DENND2B: variants seen among roughly 807,000 people sequenced by gnomAD.
The protein encoded by DENND2B is DENN domain containing 2B, also known as DENN domain-containing protein 2B.
DENND2B carries 32 observed loss-of-function variants against 116.0 expected under a neutral mutation model. The ratio of observed to expected loss-of-function variants is 0.28; its 90% CI spans 0.21 to 0.37. The LOEUF (loss-of-function observed/expected upper bound fraction) is 0.37. DENND2B is among the 10% of genes least tolerant of loss of function. The probability of loss-of-function intolerance (pLI) is 1.00; values close to 1 mark genes in which losing one functional copy is unlikely to be tolerated. For synonymous variants in DENND2B, 588 were observed against 583.9 expected (o/e 1.01, Z -0.10); for missense variants, 1,276 against 1,477.7 (o/e 0.86, Z 2.24).
At chr11:8,738,651 C>G (rs2049577789) in intron 2 of DENND2B, among the ~76,000 whole-genome samples, 2 of 152,208 alleles carry the variant, frequency 1.3e-5, no homozygotes, top group South Asian at 4.1e-4. Flanking sequence ...CCTCTTTCTG[C>G]CTTCAGTGTT....
chr11:8,788,883 T>C (rs1169759471), intron 1 of DENND2B, among the ~76,000 whole-genome samples: 2 of 152,228 alleles, frequency 1.3e-5, no homozygotes, highest in African/African-American at 2.4e-5. Context: ...GCCTTTTTCC[T>C]AGAGTATATC....
At chr11:8,907,957 C>T (rs2064260320) in intron 1 of DENND2B, among the ~76,000 whole-genome samples, 1 of 152,194 alleles carries the variant, frequency 6.6e-6, no homozygotes, top group Non-Finnish European at 1.5e-5. Context: ...CCACCTCAAC[C>T]TCCTGAACTT....
rs561039512 is a variant in DENND2B, at chr11:8,718,396, G to A, written c.1478-504C>T. The A allele has an allele frequency of 5.0e-5, 77 of 1,535,100 alleles. No individual in the cohort carries two copies. The South Asian group carries it at 8.2e-4, about 16-fold the overall frequency. Reference sequence around the variant, plus strand: ...GCATGGAGGAACTCACAGAACCGTAGGGAGCAGGGCTTCGCCAGGCCCCCT... The same window carrying A: ...GCATGGAGGAACTCACAGAACCGTAAGGAGCAGGGCTTCGCCAGGCCCCCT... On this transcript the variant is annotated intron_variant, in intron 4 of 19. Transcript: ENST00000313726.
chr11:8,828,325 C>T (rs2062057854), intron 4 of DENND2B, among the ~76,000 whole-genome samples: 1 of 152,122 alleles, frequency 6.6e-6, no homozygotes, highest in Non-Finnish European at 1.5e-5. Context: ...ACAACTCGGC[C>T]GTTAAGGCTG....
upstream of DENND2B, among the ~76,000 whole-genome samples, chr11:8,814,995 A>T (rs1452273508): frequency 6.6e-6 from 1 of 152,096 alleles, no homozygotes; most frequent in African/African-American, 2.4e-5. Flanking sequence ...TGTTTCCCAG[A>T]ACTTTCCTGG....
intron 1 of DENND2B, among the ~76,000 whole-genome samples, chr11:8,890,960 T>G (rs1027564824): frequency 2.0e-5 from 3 of 152,068 alleles, no homozygotes; most frequent in African/African-American, 7.2e-5. Context: ...AAAGTTGAAA[T>G]GAAGGAAAAA....
At chr11:8,817,639 G>A (rs565125708) in intron 4 of DENND2B, among the ~76,000 whole-genome samples, 1 of 152,202 alleles carries the variant, frequency 6.6e-6, no homozygotes, top group East Asian at 1.9e-4. Context: ...CTTCATGCTA[G>A]GTTGCGCCCC....
intron 3 of DENND2B, among the ~76,000 whole-genome samples, chr11:8,839,999 G>GA (rs2062570857): frequency 6.6e-6 from 1 of 151,760 alleles, no homozygotes; most frequent in African/African-American, 2.4e-5. Context: ...GAGTTTTGGG[G>GA]TTTTTTTTCA....
intron 1 of DENND2B, among the ~76,000 whole-genome samples, chr11:8,905,848 T>G (rs2064228771): frequency 6.6e-6 from 1 of 151,886 alleles, no homozygotes; most frequent in Non-Finnish European, 1.5e-5. Flanking sequence ...TAAAAAAGAA[T>G]GAAGTATTGA....
intron 13 of DENND2B, among the ~76,000 whole-genome samples, chr11:8,704,451 T>C (rs978214090): frequency 2.0e-5 from 3 of 152,220 alleles, no homozygotes; most frequent in Admixed American, 6.5e-5. Flanking sequence ...GGCATGATGC[T>C]GCGCTATAAG....
chr11:8,754,039 A>G (rs1370244873), intron 1 of DENND2B, among the ~76,000 whole-genome samples: 33 of 151,756 alleles, frequency 2.2e-4, no homozygotes, highest in African/African-American at 7.5e-4. Flanking sequence ...GCACACACAC[A>G]CACACACACA....
chr11:8,826,966 G>A (rs1466351250), intron 4 of DENND2B, among the ~76,000 whole-genome samples: 2 of 152,304 alleles, frequency 1.3e-5, no homozygotes, highest in East Asian at 3.9e-4. Flanking sequence ...AGAGGAATGT[G>A]GAGGGAACGG....
chr11:8,863,319 C>T (rs1363374324), intron 2 of DENND2B, among the ~76,000 whole-genome samples: 2 of 66,240 alleles, frequency 3.0e-5, no homozygotes, highest in Non-Finnish European at 6.6e-5. Context: ...TGCAGTGGCA[C>T]GATCTCGGCT....
intron 1 of DENND2B, among the ~76,000 whole-genome samples, chr11:8,780,311 T>C (rs1045551103): frequency 2.6e-5 from 4 of 152,164 alleles, no homozygotes; most frequent in African/African-American, 9.7e-5. Context: ...CTATTTTAAG[T>C]GCCATTAGAA....
At chr11:8,739,627 G>C (rs2049829838) in intron 2 of DENND2B, among the ~76,000 whole-genome samples, 1 of 152,264 alleles carries the variant, frequency 6.6e-6, no homozygotes, top group Non-Finnish European at 1.5e-5. Context: ...CTGGGCACTT[G>C]TGCCGTGGCC....
At chr11:8,804,798 C>T (rs2134445211) in intron 1 of DENND2B, among the ~76,000 whole-genome samples, 1 of 152,188 alleles carries the variant, frequency 6.6e-6, no homozygotes, top group Admixed American at 6.5e-5. Flanking sequence ...CCCACCTCGG[C>T]CTCCCAAAGC....
chr11:8,802,895 C>A (rs946116887), intron 1 of DENND2B, among the ~76,000 whole-genome samples: 2 of 152,170 alleles, frequency 1.3e-5, no homozygotes, highest in African/African-American at 4.8e-5. Context: ...AAGCTTCCAG[C>A]CTCCGAGTTC....
intron 1 of DENND2B, chr11:8,776,096 C>T (rs2057582128): frequency 2.4e-6 from 1 of 414,320 alleles, no homozygotes; most frequent in Non-Finnish European, 4.8e-6. Flanking sequence ...CCAGACCTGC[C>T]CACACAGAGA....
chr11:8,793,226 A>C (rs1565960216), intron 1 of DENND2B, among the ~76,000 whole-genome samples: 1 of 152,212 alleles, frequency 6.6e-6, no homozygotes, highest in Non-Finnish European at 1.5e-5. Flanking sequence ...TCCCCATTTA[A>C]AAGTGTACAA....
Sources: gnomAD v4.1 joint callset for allele counts (sites outside exome capture counted in the v4.1 genomes callset) on GRCh38, gnomAD v4.1.1 for gene constraint, MANE v1.5 for transcripts, NCBI Gene and HGNC (gene_info 2026-07-23, HGNC 2026-07-21) for gene names.